Variants in SPOCK3 observed in about 807,000 individuals in gnomAD.
SPOCK3 encodes testican-3.
SPOCK3 carries 30 observed loss-of-function variants against 56.6 expected under a neutral mutation model. That is an observed-to-expected ratio of 0.53 (90% CI 0.40 to 0.72). SPOCK3 has a LOEUF of 0.72. Among genes scored for constraint, SPOCK3 ranks in the 30% least tolerant of loss-of-function variants. SPOCK3 has a pLI of 0.00. For synonymous variants in SPOCK3, 196 were observed against 183.3 expected (o/e 1.07, Z -0.56); for missense variants, 527 against 530.0 (o/e 0.99, Z 0.06).
intron 2 of SPOCK3, among the ~76,000 whole-genome samples, chr4:167,208,494 T>C (rs1298655434): frequency 6.6e-6 from 1 of 152,120 alleles, no homozygotes; most frequent in Non-Finnish European, 1.5e-5. Context: ...CTAAGATCTT[T>C]GGCTTCAGAG....
intron 3 of SPOCK3, among the ~76,000 whole-genome samples, chr4:167,001,426 T>C (rs189794795): frequency 6.6e-5 from 10 of 152,316 alleles, no homozygotes; most frequent in Non-Finnish European, 1.5e-4. Context: ...CGAACAATGT[T>C]TCTGAAGTTC....
chr4:166,796,961 C>T (rs1742006460), intron 6 of SPOCK3, among the ~76,000 whole-genome samples: 1 of 152,150 alleles, frequency 6.6e-6, no homozygotes, highest in African/African-American at 2.4e-5. Flanking sequence ...AAGTACATGT[C>T]TCTCAGTGTC....
At chr4:167,167,798 G>A (rs933266700) in intron 2 of SPOCK3, among the ~76,000 whole-genome samples, 1 of 152,006 alleles carries the variant, frequency 6.6e-6, no homozygotes, top group Non-Finnish European at 1.5e-5. Context: ...GAAAATTCAG[G>A]GGACTGTTCA....
intron 2 of SPOCK3, among the ~76,000 whole-genome samples, chr4:167,067,103 G>A (rs557671477): frequency 1.4e-4 from 22 of 151,932 alleles, no homozygotes; most frequent in African/African-American, 5.3e-4. Flanking sequence ...AGATCTTGAT[G>A]CCCAAAAGCT....
At chr4:166,797,941 T>A (rs1324880953) in intron 6 of SPOCK3, among the ~76,000 whole-genome samples, 1 of 152,178 alleles carries the variant, frequency 6.6e-6, no homozygotes, top group Non-Finnish European at 1.5e-5. Context: ...TGCATAACAA[T>A]GTTTCGGGCA....
In SPOCK3 at chr4:166,754,663, G is replaced by A. The variant is rs1330988651; in HGVS notation, c.776C>T (p.Thr259Ile). 1.9e-6 allele frequency: 3 copies of A among 1,613,680 alleles called. No individual in the cohort carries two copies. Among genetic ancestry groups the A allele is most frequent in the East Asian group, 2.2e-5 (1 of 44,858 alleles). Residue 259 changes from threonine (T) to isoleucine (I), a missense_variant, in exon 8 of 11, where the codon ACA (threonine) becomes ATA (isoleucine). Transcript: ENST00000357545. ...SLGWMFNRLD[T>I]NYDLLLDQSE... ...CTGGTCCAATAGCAGGTCATAGTTT[G>A]TATCAAGTCTGTTAAACATCCAGCC...
At chr4:167,147,602 C>T (rs1157672846) in intron 2 of SPOCK3, among the ~76,000 whole-genome samples, 8 of 152,176 alleles carry the variant, frequency 5.3e-5, no homozygotes, top group Non-Finnish European at 8.8e-5. Flanking sequence ...AAATGTGGCA[C>T]ATATGCACCA....
intron 7 of SPOCK3, among the ~76,000 whole-genome samples, chr4:166,773,483 G>T (rs1221700030): frequency 6.6e-6 from 1 of 152,100 alleles, no homozygotes; most frequent in Non-Finnish European, 1.5e-5. Flanking sequence ...AGAGTTTAAA[G>T]CTAGATCGCA....
intron 3 of SPOCK3, among the ~76,000 whole-genome samples, chr4:167,017,511 C>A (rs1750740962): frequency 6.6e-6 from 1 of 152,064 alleles, no homozygotes. Flanking sequence ...AGATAATTTG[C>A]AGTCTGTACT....
intron 2 of SPOCK3, among the ~76,000 whole-genome samples, chr4:167,135,951 T>G (rs1252203879): frequency 6.6e-6 from 1 of 152,114 alleles, no homozygotes; most frequent in Non-Finnish European, 1.5e-5. Context: ...TAAAAGTACA[T>G]GTGAAAACCC....
intron 2 of SPOCK3, among the ~76,000 whole-genome samples, chr4:167,159,681 G>T (rs923310413): frequency 1.1e-4 from 16 of 152,070 alleles, no homozygotes; most frequent in Non-Finnish European, 2.4e-4. Context: ...ACATCAAAAA[G>T]CTTATCCACC....
chr4:166,947,734 A>C lies in SPOCK3; in HGVS notation c.351-34991T>G, dbSNP rs1741951968. Among the ~76,000 whole-genome samples, 3 of 152,120 alleles carry C rather than the reference A, an allele frequency of 2.0e-5. No homozygotes were observed. The South Asian group carries it at 6.2e-4, about 32-fold the overall frequency. On this transcript the variant is annotated intron_variant, in intron 4 of 10. Transcript: ENST00000357545. ...TATTTCTTTTACAAATTTTATTTTAAATTGACACGTCATAATTGCACGGAT... is the reference window on the plus strand; with the variant it reads ...TATTTCTTTTACAAATTTTATTTTACATTGACACGTCATAATTGCACGGAT...
At chr4:166,764,693 G>A (rs573072376) in intron 7 of SPOCK3, among the ~76,000 whole-genome samples, 19 of 152,120 alleles carry the variant, frequency 1.2e-4, no homozygotes, top group Non-Finnish European at 2.2e-4. Flanking sequence ...ATAATCCTTT[G>A]GGTATATACC....
At chr4:166,831,608 T>C (rs1434028698) in intron 6 of SPOCK3, among the ~76,000 whole-genome samples, 2 of 152,030 alleles carry the variant, frequency 1.3e-5, no homozygotes, top group Admixed American at 6.6e-5. Flanking sequence ...ATACTCTCAT[T>C]ATCCTATTAA....
intron 2 of SPOCK3, among the ~76,000 whole-genome samples, chr4:167,194,296 G>A (rs1341157873): frequency 8.6e-6 from 1 of 115,878 alleles, no homozygotes; most frequent in Non-Finnish European, 1.8e-5. Context: ...TTCTTATTTT[G>A]TTCAACTTCT....
chr4:166,947,796 T>C (rs1741964449), intron 4 of SPOCK3, among the ~76,000 whole-genome samples: 1 of 152,246 alleles, frequency 6.6e-6, no homozygotes, highest in Non-Finnish European at 1.5e-5. Flanking sequence ...TAAATGTATA[T>C]ATTGTTTAAT....
rs865818956 is a variant in SPOCK3 at position 166,754,555 on chromosome 4, C to A, written c.884G>T (p.Ser295Ile). 4 of 1,613,456 alleles carry A rather than the reference C, an allele frequency of 2.5e-6. No individual in the cohort carries two copies. In the African/African-American group the frequency reaches 5.3e-5, roughly 22 times the overall value. Residue 295 changes from serine (S) to isoleucine (I), a missense_variant, in exon 8 of 11, where the codon AGT becomes ATT. Ser to Ile is a moderately radical substitution (Grantham distance 142). Transcript: ENST00000357545. ...FFNSCDTYKD[S>I]LISNNEWCYC... The stretch of plus-strand genomic sequence containing the variant: ...GCACCACTCATTATTAGATATTAAA[C>A]TGTCCTTGTATGTGTCACAAGAATT...
intron 4 of SPOCK3, among the ~76,000 whole-genome samples, chr4:166,976,490 T>C (rs2150083640): frequency 6.6e-6 from 1 of 152,268 alleles, no homozygotes; most frequent in East Asian, 1.9e-4. Context: ...ACTCTCAGTC[T>C]TGACTTCAAC....
intron 6 of SPOCK3, among the ~76,000 whole-genome samples, chr4:166,821,243 T>C (rs1744908924): frequency 6.6e-6 from 1 of 151,944 alleles, no homozygotes; most frequent in Admixed American, 6.6e-5. Flanking sequence ...ACTAGGAAAA[T>C]GCAAATAAGA....
Sources: allele counts gnomAD v4.1 joint callset (sites outside exome capture counted in the v4.1 genomes callset), GRCh38; gene constraint gnomAD v4.1.1; transcripts MANE v1.5; gene names NCBI Gene and HGNC (gene_info 2026-07-23, HGNC 2026-07-21).